Variants in CHURC1 observed in about 807,000 individuals in gnomAD.
The protein encoded by CHURC1 is churchill domain containing 1.
A neutral mutation model predicts 15.4 loss-of-function variants in CHURC1; 12 were observed. The observed-to-expected ratio is 0.78, with a 90% CI of 0.50 to 1.27. The LOEUF is 1.27. Among genes scored for constraint, CHURC1 ranks in the 50% most tolerant of loss-of-function variants. The probability of loss-of-function intolerance (pLI) is 0.00; values close to 1 mark genes in which losing one functional copy is unlikely to be tolerated. For missense variants in CHURC1, 132 were observed against 137.8 expected (o/e 0.96, Z 0.21); for synonymous variants, 42 against 47.5 (o/e 0.88, Z 0.48).
rs1384854119 is a variant in CHURC1, at chr14:64,933,280, A to T, written c.*1050A>T. ...AGATGTAATGTGGTATCCTACATGG[A>T]ATTATATACCACGAAAAGAAAAAAA... On this transcript the variant is annotated 3_prime_UTR_variant, in exon 4 of 4. Transcript: ENST00000549115. The T allele has an allele frequency of 2.9e-6, 2 of 682,556 alleles. No individual in the cohort carries two copies. Among genetic ancestry groups the T allele is most frequent in the Non-Finnish European group, 3.6e-6 (2 of 553,152 alleles). The allele number at this position is 682,556 out of a possible 1,614,324, so 42.3% of individuals were successfully genotyped here. A position where few individuals can be genotyped will look rare whatever the true frequency, so the allele number is the denominator to read the frequency against.
In CHURC1 at chr14:64,932,561, A is replaced by G. The variant is rs899075306; in HGVS notation, c.*331A>G. On this transcript the variant is annotated 3_prime_UTR_variant, in exon 4 of 4. Transcript: ENST00000549115. Reference sequence around the variant, plus strand: ...GGAACCAGGACTCCTTAGAAAATGAACTGATTCTAGAACTGGGATATGAAC... The same window carrying G: ...GGAACCAGGACTCCTTAGAAAATGAGCTGATTCTAGAACTGGGATATGAAC... 7 of 696,912 alleles carry G rather than the reference A, an allele frequency of 1.0e-5. No homozygotes were observed. The highest frequency in any genetic ancestry group is 1.3e-5 in the Non-Finnish European group (7 of 552,124). The allele number at this position is 696,912 out of a possible 1,614,324, so 43.2% of individuals were successfully genotyped here.
At position 64,934,741 on chromosome 14, in the gene CHURC1, C is replaced by T. The variant is rs1885247045; in HGVS notation, c.*2511C>T. On this transcript the variant is annotated 3_prime_UTR_variant, in exon 4 of 4. Coordinates refer to ENST00000549115, the MANE Select transcript of CHURC1 (RefSeq NM_001386928.1). Reference sequence around the variant, plus strand: ...ATTATAGCCTCTGAATTGTCCCTTCCTTGAGTTTGCTAATGCTTCCAACTT... The same window carrying T: ...ATTATAGCCTCTGAATTGTCCCTTCTTTGAGTTTGCTAATGCTTCCAACTT... 1.0e-6 allele frequency: 1 copy of T among 985,298 alleles called. No homozygotes were observed. The highest frequency in any genetic ancestry group is 1.2e-6 in the Non-Finnish European group (1 of 829,938). The allele number at this position is 985,298 out of a possible 1,614,324, so 61.0% of individuals were successfully genotyped here.
chr14:64,922,789 G>C (rs1485634626), intron 1 of CHURC1, among the ~76,000 whole-genome samples: 1 of 151,914 alleles, frequency 6.6e-6, no homozygotes, highest in Non-Finnish European at 1.5e-5. Flanking sequence ...ATATAGAAGG[G>C]AGAGATTAAT....
intron 1 of CHURC1, among the ~76,000 whole-genome samples, chr14:64,918,196 T>C (rs374329787): frequency 8.5e-5 from 13 of 152,250 alleles, no homozygotes; most frequent in East Asian, 7.7e-4. Flanking sequence ...GATTTTATTC[T>C]GTTCTAAAAT....
chr14:64,928,131 C>G (rs1233103718), intron 3 of CHURC1, among the ~76,000 whole-genome samples: 1 of 152,112 alleles, frequency 6.6e-6, no homozygotes. Context: ...TTTATTTACC[C>G]CTCTCTAATG....
At chr14:64,930,388 T>G (rs1388267986) in intron 3 of CHURC1, among the ~76,000 whole-genome samples, 1 of 152,206 alleles carries the variant, frequency 6.6e-6, no homozygotes, top group Non-Finnish European at 1.5e-5. Flanking sequence ...TATGGTTAGA[T>G]TCTATGGTGC....
At chr14:64,930,065 C>T (rs79716233) in intron 3 of CHURC1, among the ~76,000 whole-genome samples, 1 of 149,252 alleles carries the variant, frequency 6.7e-6, no homozygotes, top group Non-Finnish European at 1.5e-5. Context: ...TTAACAGGGA[C>T]TAATAGAGGA....
At chr14:64,920,843 C>A (rs145490037) in intron 1 of CHURC1, among the ~76,000 whole-genome samples, 304 of 152,284 alleles carry the variant, frequency 2.0e-3, no homozygotes, top group Non-Finnish European at 3.3e-3. Flanking sequence ...AGTCCCAATT[C>A]AAACTCCAGT....
At chr14:64,931,395 G>A (rs1021663387) in intron 3 of CHURC1, among the ~76,000 whole-genome samples, 2 of 152,008 alleles carry the variant, frequency 1.3e-5, no homozygotes, top group African/African-American at 2.4e-5. Flanking sequence ...TTAGCCAGGC[G>A]TGATGCCGAG....
At position 64,924,041 on chromosome 14, in the gene CHURC1, T is replaced by C. The variant is rs1400616459; in HGVS notation, c.90T>C (p.Cys30=). The part of the protein sequence containing the change: ...NGSFLLNFTG[C]AVCSKRDFML... ...CTTTCTTACTGAACTTTACAGGCTG[T>C]GCAGTGTGCAGTAAGCGGGATTTTA... The change falls in exon 2 of 4, where the codon TGT becomes TGC. Residue 30 remains cysteine, a synonymous_variant. Transcript: ENST00000549115. The C allele has an allele frequency of 6.2e-7, 1 of 1,606,544 alleles. No individual in the cohort carries two copies. The highest frequency in any genetic ancestry group is 8.5e-7 in the Non-Finnish European group (1 of 1,176,070).
chr14:64,926,214 T>A, intron 3 of CHURC1, 134 bp downstream of exon 3: 3 of 351,880 alleles, frequency 8.5e-6, no homozygotes, highest in East Asian at 5.5e-5. Flanking sequence ...ACTATGCCTT[T>A]TTTTTTTTTT....
At chr14:64,915,277 C>T (rs2139871157) in intron 1 of CHURC1, among the ~76,000 whole-genome samples, 2 of 152,376 alleles carry the variant, frequency 1.3e-5, no homozygotes, top group Middle Eastern at 6.8e-3. Flanking sequence ...GGATTACTGG[C>T]ATGAGCCACC....
chr14:64,924,648 G>T (rs1328921252), intron 2 of CHURC1, among the ~76,000 whole-genome samples: 1 of 151,650 alleles, frequency 6.6e-6, no homozygotes, highest in African/African-American at 2.4e-5. Flanking sequence ...TCAGTCTGTT[G>T]TTCCTTACTT....
chr14:64,918,381 A>G (rs990741342), intron 1 of CHURC1, among the ~76,000 whole-genome samples: 10 of 152,224 alleles, frequency 6.6e-5, no homozygotes, highest in African/African-American at 1.7e-4. Context: ...CTCTCTTCCT[A>G]TTGTTCAGTA....
chr14:64,927,026 A>G (rs1391078816), intron 3 of CHURC1, among the ~76,000 whole-genome samples: 1 of 152,220 alleles, frequency 6.6e-6, no homozygotes, highest in African/African-American at 2.4e-5. Flanking sequence ...TCCATAGGAT[A>G]TAAATATCAG....
chr14:64,934,438 A>G lies in CHURC1; in HGVS notation c.*2208A>G, dbSNP rs1329529064. ...GCTAGTGCAGTTACCCCCTCTCAGTAATTATGTTTGGCAAATATGAAATAC... is the reference window on the plus strand; with the variant it reads ...GCTAGTGCAGTTACCCCCTCTCAGTGATTATGTTTGGCAAATATGAAATAC... On this transcript the variant is annotated 3_prime_UTR_variant, in exon 4 of 4. Coordinates refer to ENST00000549115, the MANE Select transcript of CHURC1 (RefSeq NM_001386928.1). The G allele has an allele frequency of 1.0e-6, 1 of 985,196 alleles. No homozygotes were observed. The highest frequency in any genetic ancestry group is 1.7e-5 in the African/African-American group (1 of 57,244). The allele number at this position is 985,196 out of a possible 1,614,324, so 61.0% of individuals were successfully genotyped here.
chr14:64,924,756 G>A (rs1326060159), intron 2 of CHURC1, among the ~76,000 whole-genome samples: 1 of 152,154 alleles, frequency 6.6e-6, no homozygotes, highest in Non-Finnish European at 1.5e-5. Flanking sequence ...TCTGAGGTTA[G>A]CACTAAGGAT....
At chr14:64,930,529 T>G (rs372844455) in intron 3 of CHURC1, among the ~76,000 whole-genome samples, 29 of 152,246 alleles carry the variant, frequency 1.9e-4, no homozygotes, top group South Asian at 4.1e-4. Flanking sequence ...GGTTCCAGAC[T>G]GCCTATAAAG....
intron 3 of CHURC1, among the ~76,000 whole-genome samples, chr14:64,929,244 A>G (rs1176614042): frequency 6.6e-6 from 1 of 152,170 alleles, no homozygotes; most frequent in Non-Finnish European, 1.5e-5. Context: ...ATTGCTGTCC[A>G]TATTCATGCC....
Sources: gnomAD v4.1 joint callset for allele counts (sites outside exome capture counted in the v4.1 genomes callset) on GRCh38, gnomAD v4.1.1 for gene constraint, MANE v1.5 for transcripts, NCBI Gene and HGNC (gene_info 2026-07-23, HGNC 2026-07-21) for gene names.